BEST3: variants seen among roughly 807,000 people sequenced by gnomAD.
BEST3 encodes the protein bestrophin 3.
In BEST3, 50 loss-of-function variants were observed where a neutral mutation model predicts 47.1. The observed-to-expected ratio is 1.06, with a 90% CI of 0.85 to 1.34. BEST3 has a LOEUF of 1.34. Among genes scored for constraint, BEST3 ranks in the 40% most tolerant of loss-of-function variants. BEST3 has a pLI of 0.00. For synonymous variants in BEST3, 282 were observed against 298.8 expected (o/e 0.94, Z 0.58); for missense variants, 765 against 817.0 (o/e 0.94, Z 0.78).
chr12:69,646,637 T>C (rs1171317597), intron 9 of BEST3, among the ~76,000 whole-genome samples: 2 of 152,086 alleles, frequency 1.3e-5, no homozygotes, highest in African/African-American at 4.8e-5. Context: ...CAGCTAAACC[T>C]TTTTCCCTGC....
chr12:69,647,390 C>T (rs941472080), intron 9 of BEST3, among the ~76,000 whole-genome samples: 1 of 152,146 alleles, frequency 6.6e-6, no homozygotes, highest in African/African-American at 2.4e-5. Flanking sequence ...AAAGGGGAAA[C>T]GTCACCACTC....
At chr12:69,664,875 A>G (rs1460462222) in intron 9 of BEST3, among the ~76,000 whole-genome samples, 1 of 152,124 alleles carries the variant, frequency 6.6e-6, no homozygotes, top group African/African-American at 2.4e-5. Flanking sequence ...ATGAAAAGGA[A>G]ACCATCATTA....
At position 69,655,271 on chromosome 12, in the gene BEST3, G is replaced by A. The variant is rs775884659; in HGVS notation, c.1643C>T (p.Ser548Phe). 6.2e-7 allele frequency: 1 copy of A among 1,614,034 alleles called. No homozygotes were observed. The highest frequency in any genetic ancestry group is 1.3e-5 in the African/African-American group (1 of 74,920). ...KTEQQQGPMG[S>F]ILSPSEKETP... is the part of the protein sequence containing the mutation. ...CTCCTTCTCTGAGGGAGACAGGATGGATCCCATGGGGCCCTGCTGCTGCTC... is the reference window on the plus strand; with the variant it reads ...CTCCTTCTCTGAGGGAGACAGGATGAATCCCATGGGGCCCTGCTGCTGCTC... Residue 548 changes from serine to phenylalanine, a missense_variant, in exon 10 of 10, where the codon TCC (serine) becomes TTC (phenylalanine). By Grantham distance (155) the Ser-to-Phe change is radical. Transcript: ENST00000330891.
chr12:69,677,367 T>C, intron 5 of BEST3, 110 bp from the exon 6 acceptor site: 1 of 955,226 alleles, frequency 1.0e-6, no homozygotes, highest in Non-Finnish European at 1.6e-6. Context: ...ACTGTAAGGC[T>C]AGTAAACTGA....
intron 8 of BEST3, 23 bp from the exon 9 acceptor site, chr12:69,671,602 A>G (rs749937813): frequency 3.9e-5 from 62 of 1,608,576 alleles, no homozygotes; most frequent in Non-Finnish European, 5.0e-5. Context: ...TTATATTGTT[A>G]GAATAACTCA....
intron 4 of BEST3, among the ~76,000 whole-genome samples, chr12:69,692,327 G>C (rs539165159): frequency 6.6e-6 from 1 of 152,194 alleles, no homozygotes; most frequent in Admixed American, 6.5e-5. Flanking sequence ...ATCACCTCAC[G>C]CTTCTCATCC....
In BEST3 at chr12:69,654,872, CTA is replaced by C; in HGVS notation, c.*33_*34del. The C allele has an allele frequency of 6.3e-7, 1 of 1,576,874 alleles. No homozygotes were observed. The highest frequency in any genetic ancestry group is 8.6e-7 in the Non-Finnish European group (1 of 1,161,740). On this transcript the variant is annotated 3_prime_UTR_variant, in exon 10 of 10. Coordinates refer to ENST00000330891, the MANE Select transcript of BEST3 (RefSeq NM_032735.3). ...ATGCTGCTTTTGGGGAGGTAAGAAT[CTA>C]GGCTAGAACCAGGTCCTAGAACTTG...
rs941132909 is a variant in BEST3 at position 69,672,888 on chromosome 12, C to A, written c.945G>T (p.Leu315Phe). 1.9e-6 allele frequency: 3 copies of A among 1,607,466 alleles called. No individual in the cohort carries two copies. Among genetic ancestry groups the A allele is most frequent in the African/African-American group, 2.7e-5 (2 of 74,622 alleles). The change falls in exon 8 of 10, where the codon TTG becomes TTT. Residue 315 changes from leucine to phenylalanine, a missense_variant. Transcript: ENST00000330891. ...AAGAAAGAAAAATTCCTCTAACCTG[C>A]AAATTTCTGTCAATGCACCAGTTAG... ...FETNWCIDRN[L>F]QVSLLAVDEM...
chr12:69,673,085 G>A (rs1884683118), intron 7 of BEST3, 120 bp from the exon 8 acceptor site: 1 of 703,168 alleles, frequency 1.4e-6, no homozygotes, highest in Admixed American at 2.8e-5. Flanking sequence ...ACGAAGAGTA[G>A]AGGGGAGTAG....
Position 69,655,562 on chromosome 12 carries a change from T to C in BEST3, c.1352A>G (p.Lys451Arg). 6.2e-7 allele frequency: 1 copy of C among 1,614,030 alleles called. No individual in the cohort carries two copies. The highest frequency in any genetic ancestry group is 2.2e-5 in the East Asian group (1 of 44,868). The stretch of plus-strand genomic sequence containing the variant: ...GCTTCCTTCTGGGAAGCAGGATTTC[T>C]TCCAGGTGGGTGAGGCCCTGGGGGG... ...RNPPRASPTW[K>R]KSCFPEGSPT... is the part of the protein sequence containing the mutation. Residue 451 changes from lysine (K) to arginine (R), a missense_variant, in exon 10 of 10, where the codon AAG becomes AGG. Transcript: ENST00000330891.
At chr12:69,650,877 A>T (rs1163715886), downstream of BEST3, among the ~76,000 whole-genome samples, 1 of 152,128 alleles carries the variant, frequency 6.6e-6, no homozygotes, top group Non-Finnish European at 1.5e-5. Flanking sequence ...TGGGAAGCAT[A>T]TGAAAGGAAA....
intron 2 of BEST3, among the ~76,000 whole-genome samples, chr12:69,696,733 G>T (rs984223107): frequency 1.1e-4 from 17 of 152,094 alleles, no homozygotes; most frequent in African/African-American, 3.9e-4. Context: ...CTGCAAGGAA[G>T]AATGTGAGAG....
intron 6 of BEST3, 50 bp from the exon 7 acceptor site, chr12:69,677,118 C>T (rs755438978): frequency 1.5e-5 from 24 of 1,613,636 alleles, no homozygotes; most frequent in East Asian, 4.5e-5. Flanking sequence ...CCTCCCGCAG[C>T]GAAGCTACAG....
At chr12:69,697,964 C>T (rs1475939686) in intron 1 of BEST3, among the ~76,000 whole-genome samples, 151 bp from the exon 2 acceptor site, 2 of 152,218 alleles carry the variant, frequency 1.3e-5, no homozygotes, top group Non-Finnish European at 2.9e-5. Context: ...TCGGAACTTT[C>T]AGATAACCAT....
At chr12:69,676,652 T>C (rs1345065752) in intron 7 of BEST3, among the ~76,000 whole-genome samples, 1 of 152,198 alleles carries the variant, frequency 6.6e-6, no homozygotes, top group African/African-American at 2.4e-5. Context: ...ATTATAATCC[T>C]AATGGGAACA....
At chr12:69,699,084 A>T in intron 1 of BEST3, 121 bp downstream of exon 1, 1 of 513,706 alleles carries the variant, frequency 1.9e-6, no homozygotes, top group Non-Finnish European at 2.5e-6. Context: ...AACAGTCCTT[A>T]ATTAACTTTC....
At chr12:69,695,380 A>G (rs1159673429) in intron 2 of BEST3, among the ~76,000 whole-genome samples, 2 of 152,220 alleles carry the variant, frequency 1.3e-5, no homozygotes, top group African/African-American at 4.8e-5. Context: ...TAATGAGATA[A>G]CAGTAAGCAA....
chr12:69,655,076 G>T lies in BEST3; in HGVS notation c.1838C>A (p.Ser613Tyr), dbSNP rs768358989. 1 of 1,614,200 alleles carries T rather than the reference G, an allele frequency of 6.2e-7. No individual in the cohort carries two copies. ...TGTGTCAATTAAAAGAGCTGGCTGA[G>T]AGCTCATGGGGTCTGGACTTAGGTT... ...LGNLSPDPMS[S>Y]QPALLIDTET... The change falls in exon 10 of 10, where the codon TCT (serine) becomes TAT (tyrosine). Residue 613 changes from serine to tyrosine, a missense_variant. By Grantham distance (144) the Ser-to-Tyr change is moderately radical. Transcript: ENST00000330891.
At chr12:69,653,583 G>C (rs757624209), downstream of BEST3, 19 of 942,086 alleles carry the variant, frequency 2.0e-5, no homozygotes, top group Non-Finnish European at 2.0e-5. Context: ...CTGCTGCCTG[G>C]AACAGTGTAA....
Sources: gnomAD v4.1 joint callset for allele counts (sites outside exome capture counted in the v4.1 genomes callset) on GRCh38, gnomAD v4.1.1 for gene constraint, MANE v1.5 for transcripts, NCBI Gene and HGNC (gene_info 2026-07-23, HGNC 2026-07-21) for gene names.